The following FCHSD2 variants were observed in gnomAD, a reference collection of about 807,000 sequenced individuals.
The protein encoded by FCHSD2 is FCH and double SH3 domains 2.
A neutral mutation model predicts 108.1 loss-of-function variants in FCHSD2; 38 were observed. The observed-to-expected ratio is 0.35, with a 90% CI of 0.27 to 0.46. FCHSD2 has a LOEUF of 0.46. FCHSD2 is among the 20% of genes least tolerant of loss of function. The pLI is 1.00. For synonymous variants in FCHSD2, 279 were observed against 314.7 expected (o/e 0.89, Z 1.20); for missense variants, 751 against 897.8 (o/e 0.84, Z 2.09).
chr11:72,868,871 A>G (rs1382673541), intron 12 of FCHSD2, among the ~76,000 whole-genome samples: 1 of 152,076 alleles, frequency 6.6e-6, no homozygotes, highest in African/African-American at 2.4e-5. Flanking sequence ...GTGGCAATGC[A>G]GCTTAGCTTT....
intron 8 of FCHSD2, among the ~76,000 whole-genome samples, chr11:72,933,743 T>G (rs980224983): frequency 6.6e-6 from 1 of 152,186 alleles, no homozygotes; most frequent in Non-Finnish European, 1.5e-5. Context: ...AGTAGACAAT[T>G]TTTATGTCAA....
intron 2 of FCHSD2, among the ~76,000 whole-genome samples, chr11:73,110,344 T>G (rs1019878514): frequency 6.6e-6 from 1 of 152,150 alleles, no homozygotes; most frequent in Non-Finnish European, 1.5e-5. Context: ...TAGGCGATAT[T>G]TTATTACGGC....
chr11:73,126,016 CTCTA>C (rs1860846209), intron 2 of FCHSD2, among the ~76,000 whole-genome samples: 5 of 152,054 alleles, frequency 3.3e-5, no homozygotes, highest in East Asian at 3.9e-4. Flanking sequence ...TTAGGCAAGA[CTCTA>C]TCTAATATGT....
intron 2 of FCHSD2, among the ~76,000 whole-genome samples, chr11:73,086,454 A>T (rs181248924): frequency 6.6e-6 from 1 of 152,298 alleles, no homozygotes; most frequent in Non-Finnish European, 1.5e-5. Context: ...TCAAATCAAC[A>T]GCCTAACTTT....
At chr11:73,123,663 T>G (rs989243609) in intron 2 of FCHSD2, among the ~76,000 whole-genome samples, 2 of 152,224 alleles carry the variant, frequency 1.3e-5, no homozygotes, top group Non-Finnish European at 1.5e-5. Flanking sequence ...TTGAATAAAC[T>G]ATACGATCTT....
chr11:72,934,196 T>G (rs551462151), intron 8 of FCHSD2, among the ~76,000 whole-genome samples: 1 of 151,228 alleles, frequency 6.6e-6, no homozygotes, highest in Non-Finnish European at 1.5e-5. Flanking sequence ...AGGGCACGTA[T>G]GATGAAGATG....
chr11:73,002,444 T>G (rs1030057656), intron 4 of FCHSD2, among the ~76,000 whole-genome samples: 1 of 152,196 alleles, frequency 6.6e-6, no homozygotes, highest in African/African-American at 2.4e-5. Context: ...CCTCACTGCA[T>G]GACAACCAAT....
chr11:72,981,874 G>A (rs2446746), intron 8 of FCHSD2, among the ~76,000 whole-genome samples: 98 of 152,292 alleles, frequency 6.4e-4, no homozygotes, highest in African/African-American at 2.3e-3. Context: ...CTAGCTACAT[G>A]GGAGGCTGAG....
At chr11:72,888,993 C>T (rs868423813) in intron 11 of FCHSD2, among the ~76,000 whole-genome samples, 2 of 151,830 alleles carry the variant, frequency 1.3e-5, no homozygotes, top group Admixed American at 6.6e-5. Flanking sequence ...GTCTCGCTGT[C>T]GCCCAGGTTG....
intron 3 of FCHSD2, among the ~76,000 whole-genome samples, chr11:73,025,977 T>C (rs554325142): frequency 6.6e-6 from 1 of 151,422 alleles, no homozygotes; most frequent in Non-Finnish European, 1.5e-5. Context: ...GACTAAAGAA[T>C]TATAGAGATT....
At chr11:72,877,516 T>A (rs1173646913) in intron 12 of FCHSD2, among the ~76,000 whole-genome samples, 1 of 152,208 alleles carries the variant, frequency 6.6e-6, no homozygotes, top group Non-Finnish European at 1.5e-5. Flanking sequence ...TACCCCAGAT[T>A]AATATTGTCA....
At chr11:73,117,073 AT>A in intron 2 of FCHSD2, among the ~76,000 whole-genome samples, 1 of 152,204 alleles carries the variant, frequency 6.6e-6, no homozygotes, top group South Asian at 2.1e-4. Flanking sequence ...TGGCCTATTG[AT>A]TATACGTATT....
At chr11:72,862,098 T>C (rs1565293450) in intron 13 of FCHSD2, among the ~76,000 whole-genome samples, 1 of 152,010 alleles carries the variant, frequency 6.6e-6, no homozygotes, top group Non-Finnish European at 1.5e-5. Flanking sequence ...GCAAACAAAA[T>C]AGAAACAGAA....
At chr11:72,874,813 C>A (rs1854933555) in intron 12 of FCHSD2, among the ~76,000 whole-genome samples, 1 of 152,152 alleles carries the variant, frequency 6.6e-6, no homozygotes, top group African/African-American at 2.4e-5. Context: ...AAAAGCAGAA[C>A]TTTCTAGTGT....
At chr11:72,842,356 G>T (rs994236992) in intron 17 of FCHSD2, among the ~76,000 whole-genome samples, 1 of 152,220 alleles carries the variant, frequency 6.6e-6, no homozygotes, top group Non-Finnish European at 1.5e-5. Flanking sequence ...TCTTTGGTAT[G>T]TCACATATAA....
intron 13 of FCHSD2, among the ~76,000 whole-genome samples, chr11:72,860,364 A>G (rs907211135): frequency 1.3e-5 from 2 of 152,268 alleles, no homozygotes; most frequent in African/African-American, 4.8e-5. Flanking sequence ...AACAGTTACC[A>G]AGATATACGT....
At chr11:73,042,701 T>G (rs1858670829) in intron 3 of FCHSD2, among the ~76,000 whole-genome samples, 2 of 152,224 alleles carry the variant, frequency 1.3e-5, no homozygotes, top group Non-Finnish European at 2.9e-5. Context: ...ATGAGATACC[T>G]TTCCATTTTG....
intron 3 of FCHSD2, among the ~76,000 whole-genome samples, chr11:73,047,778 A>G (rs1288511126): frequency 6.6e-6 from 1 of 152,204 alleles, no homozygotes. Context: ...CTTTTTTATA[A>G]TGTGCAAAGC....
At chr11:73,068,147 C>G (rs956472719) in intron 3 of FCHSD2, among the ~76,000 whole-genome samples, 15 of 152,170 alleles carry the variant, frequency 9.9e-5, no homozygotes, top group African/African-American at 3.6e-4. Flanking sequence ...ATTATGGGAA[C>G]TACAATTCAA....
Sources: allele counts gnomAD v4.1 joint callset (sites outside exome capture counted in the v4.1 genomes callset), GRCh38; gene constraint gnomAD v4.1.1; transcripts MANE v1.5; gene names NCBI Gene and HGNC (gene_info 2026-07-23, HGNC 2026-07-21).